Variants in CDK19 observed in about 807,000 individuals in gnomAD.
The protein encoded by CDK19 is cyclin dependent kinase 19, also known as cyclin-dependent kinase 19.
CDK19 carries 20 observed loss-of-function variants against 68.3 expected under a neutral mutation model. The ratio of observed to expected loss-of-function variants is 0.29; its 90% confidence interval spans 0.21 to 0.43. The LOEUF (loss-of-function observed/expected upper bound fraction) is 0.43. CDK19 is among the 20% of genes least tolerant of loss of function. The pLI, the probability that CDK19 is intolerant of heterozygous loss-of-function variation, is 1.00. For synonymous variants in CDK19, 221 were observed against 222.8 expected (o/e 0.99, Z 0.07); for missense variants, 339 against 623.5 (o/e 0.54, Z 4.86).
intron 4 of CDK19, 56 bp downstream of exon 4, chr6:110,667,377 TA>T: frequency 1.5e-5 from 17 of 1,162,484 alleles, no homozygotes; most frequent in Non-Finnish European, 2.1e-5. Flanking sequence ...GAAGAAAATA[TA>T]TTTTTTAAAA....
intron 1 of CDK19, among the ~76,000 whole-genome samples, chr6:110,791,063 T>G (rs1288776639): frequency 6.6e-6 from 1 of 151,480 alleles, no homozygotes; most frequent in African/African-American, 2.4e-5. Flanking sequence ...CCCAGCTTCT[T>G]GGGAGGCTGA....
At chr6:110,741,388 G>A (rs1777653068) in intron 2 of CDK19, among the ~76,000 whole-genome samples, 2 of 151,870 alleles carry the variant, frequency 1.3e-5, no homozygotes. Flanking sequence ...CTTAAACCCA[G>A]CAGGTCAAGG....
chr6:110,714,033 C>T (rs545613536), intron 2 of CDK19, among the ~76,000 whole-genome samples: 10 of 152,272 alleles, frequency 6.6e-5, no homozygotes, highest in African/African-American at 2.4e-4. Flanking sequence ...TTATATAATT[C>T]CAGAACATTT....
In CDK19 at chr6:110,809,213, A is replaced by AC. The variant is rs563058716; in HGVS notation, c.128+5795_128+5796insG. Among the ~76,000 whole-genome samples the AC allele has an allele frequency of 1.2e-4, 16 of 137,292 alleles. No individual in the cohort carries two copies. In the South Asian group the frequency reaches 3.6e-3, roughly 31 times the overall value. The allele number at this position is 137,292 out of a possible 152,430, so 90.1% of individuals were successfully genotyped here. A position where few individuals can be genotyped will look rare whatever the true frequency, so the allele number is the denominator to read the frequency against. ...CTGGGAGACAGCGAGACTCCATCTC[A>AC]AAAAAAAAAAAAAGAAATGGGCCAG... On this transcript the variant is annotated intron_variant, in intron 1 of 12. Coordinates refer to ENST00000368911, the MANE Select transcript of CDK19 (RefSeq NM_015076.5).
chr6:110,637,794 A>G (rs1393755421), intron 5 of CDK19, among the ~76,000 whole-genome samples: 3 of 152,250 alleles, frequency 2.0e-5, no homozygotes, highest in Admixed American at 2.0e-4. Context: ...AGCCTGGCCA[A>G]CATGGTGAAA....
In CDK19 at chr6:110,612,927, G is replaced by C. The variant is rs774790102; in HGVS notation, c.*1608C>G. The C allele has an allele frequency of 5.2e-5, 8 of 152,600 alleles. No homozygotes were observed. The highest frequency in any genetic ancestry group is 1.2e-4 in the Non-Finnish European group (8 of 68,038). The allele number at this position is 152,600 out of a possible 1,614,324, so 9.5% of individuals were successfully genotyped here. On this transcript the variant is annotated 3_prime_UTR_variant, in exon 13 of 13. Transcript: ENST00000368911. ...GCTTCTGTCTAATCTTATTTTACTT[G>C]TGTATGGACCCACAGTATCATAACC...
At chr6:110,620,923 A>T (rs1367936694) in intron 12 of CDK19, among the ~76,000 whole-genome samples, 181 bp downstream of exon 12, 1 of 152,220 alleles carries the variant, frequency 6.6e-6, no homozygotes, top group Non-Finnish European at 1.5e-5. Context: ...AACAAGTCAG[A>T]ATACGAGATA....
At chr6:110,670,612 C>G in intron 2 of CDK19, 71 bp from the exon 3 acceptor site, 1 of 893,030 alleles carries the variant, frequency 1.1e-6, no homozygotes, top group Non-Finnish European at 1.8e-6. Context: ...TGTCTTATAA[C>G]TTCAAAACGA....
rs958115552 is a variant in CDK19, at chr6:110,665,519, T to C, written c.456+1915A>G. Among the ~76,000 whole-genome samples the C allele has an allele frequency of 2.6e-5, 4 of 152,184 alleles. No individual in the cohort carries two copies. The East Asian group carries it at 7.7e-4, about 29-fold the overall frequency. ...AGGTGACAATATCATGAATAAAATATGTTAAGCTATGCTGTTTAGAACAAA... is the reference window on the plus strand; with the variant it reads ...AGGTGACAATATCATGAATAAAATACGTTAAGCTATGCTGTTTAGAACAAA... On this transcript the variant is annotated intron_variant, in intron 4 of 12. Coordinates refer to ENST00000368911, the MANE Select transcript of CDK19 (RefSeq NM_015076.5).
chr6:110,790,852 A>C (rs1781541779), intron 1 of CDK19, among the ~76,000 whole-genome samples: 1 of 152,140 alleles, frequency 6.6e-6, no homozygotes, highest in Non-Finnish European at 1.5e-5. Flanking sequence ...ATAAAGGTAC[A>C]TGTATACAGA....
chr6:110,617,954 C>T (rs1309186058), intron 12 of CDK19, among the ~76,000 whole-genome samples: 4 of 148,794 alleles, frequency 2.7e-5, no homozygotes, highest in Non-Finnish European at 5.9e-5. Context: ...CATTAACATT[C>T]TAAATCACAC....
In CDK19 at chr6:110,638,498, G is replaced by A. The variant is rs371700327; in HGVS notation, c.514+151C>T. 2.1e-5 allele frequency: 12 copies of A among 565,652 alleles called. No homozygotes were observed. In the East Asian group the frequency reaches 2.4e-4, roughly 11 times the overall value. 35.0% of individuals were successfully genotyped at this position (565,652 alleles called of 1,614,324 possible). On this transcript the variant is annotated intron_variant, in intron 5 of 12. Coordinates refer to ENST00000368911, the MANE Select transcript of CDK19 (RefSeq NM_015076.5). ...TGGGAAAAAACCTAGGAGTTTTGTA[G>A]ACTATCTATCTACATTTTCCAATAT...
chr6:110,626,571 A>G (rs1429527310), intron 8 of CDK19, among the ~76,000 whole-genome samples: 2 of 152,170 alleles, frequency 1.3e-5, no homozygotes, highest in Non-Finnish European at 2.9e-5. Context: ...TTGCCCTTCT[A>G]CCTATGTGAG....
chr6:110,664,719 T>C (rs1393839972), intron 4 of CDK19, among the ~76,000 whole-genome samples: 2 of 152,096 alleles, frequency 1.3e-5, no homozygotes, highest in African/African-American at 4.8e-5. Context: ...CGAGATGTTC[T>C]AAGAGATCTC....
At chr6:110,632,454 G>A (rs1334648984) in intron 5 of CDK19, among the ~76,000 whole-genome samples, 1 of 152,342 alleles carries the variant, frequency 6.6e-6, no homozygotes, top group Admixed American at 6.5e-5. Context: ...ATTCTGGGCT[G>A]GTGGGGTGGC....
At chr6:110,641,669 G>GGAAA (rs1445263713) in intron 4 of CDK19, among the ~76,000 whole-genome samples, 15 of 149,514 alleles carry the variant, frequency 1.0e-4, no homozygotes, top group African/African-American at 3.7e-4. Context: ...AAGGAAGGAA[G>GGAAA]GAAGGAAGGA....
intron 1 of CDK19, among the ~76,000 whole-genome samples, chr6:110,799,052 G>C (rs1053803303): frequency 2.7e-5 from 4 of 149,210 alleles, no homozygotes; most frequent in African/African-American, 9.9e-5. Flanking sequence ...GCTGAGGTGG[G>C]AGAATCACCT....
At chr6:110,693,646 G>A (rs932684066) in intron 2 of CDK19, among the ~76,000 whole-genome samples, 1 of 152,126 alleles carries the variant, frequency 6.6e-6, no homozygotes, top group African/African-American at 2.4e-5. Flanking sequence ...CTACTTCCCT[G>A]GTGACCTGAA....
chr6:110,644,882 G>A (rs1357170237), intron 4 of CDK19, among the ~76,000 whole-genome samples: 1 of 152,076 alleles, frequency 6.6e-6, no homozygotes, highest in Non-Finnish European at 1.5e-5. Flanking sequence ...AACAAATTAG[G>A]GGTAGAGATG....
Sources: gnomAD v4.1 joint callset for allele counts (sites outside exome capture counted in the v4.1 genomes callset) on GRCh38, gnomAD v4.1.1 for gene constraint, MANE v1.5 for transcripts, NCBI Gene and HGNC (gene_info 2026-07-23, HGNC 2026-07-21) for gene names.